SLC35D2: variants seen among roughly 807,000 people sequenced by gnomAD.
SLC35D2 encodes the protein solute carrier family 35 member D2.
In SLC35D2, 43 loss-of-function variants were observed where a neutral mutation model predicts 41.8. The observed-to-expected ratio is 1.03, with a 90% CI of 0.81 to 1.33. SLC35D2 has a LOEUF of 1.33. SLC35D2 is among the 40% of genes most tolerant of loss of function. The pLI is 0.00. For missense variants in SLC35D2, 380 were observed against 408.4 expected (o/e 0.93, Z 0.60); for synonymous variants, 150 against 163.9 (o/e 0.92, Z 0.65).
intron 3 of SLC35D2, among the ~76,000 whole-genome samples, chr9:96,363,930 A>G (rs2130988324): frequency 6.6e-6 from 1 of 152,362 alleles, no homozygotes; most frequent in African/African-American, 2.4e-5. Context: ...GACACACAGT[A>G]TTCATTTATT....
At chr9:96,358,750 A>G (rs1287138639) in intron 4 of SLC35D2, among the ~76,000 whole-genome samples, 1 of 152,094 alleles carries the variant, frequency 6.6e-6, no homozygotes, top group Non-Finnish European at 1.5e-5. Flanking sequence ...GTACTTTGGG[A>G]GGCCAAGACA....
At chr9:96,315,711 G>C (rs985314567), downstream of SLC35D2, among the ~76,000 whole-genome samples, 1 of 152,150 alleles carries the variant, frequency 6.6e-6, no homozygotes, top group African/African-American at 2.4e-5. Flanking sequence ...GGGATTACAG[G>C]TGTGAGCCAC....
intron 6 of SLC35D2, among the ~76,000 whole-genome samples, chr9:96,346,723 T>C (rs1829590580): frequency 6.6e-6 from 1 of 152,078 alleles, no homozygotes; most frequent in Admixed American, 6.6e-5. Flanking sequence ...GCAAATTAAA[T>C]TGGATTTTTG....
At chr9:96,338,555 CAAAA>C (rs58788876) in intron 8 of SLC35D2, among the ~76,000 whole-genome samples, 1 of 115,778 alleles carries the variant, frequency 8.6e-6, no homozygotes. Flanking sequence ...GACCCTGTCT[CAAAA>C]AAAAAAAAAA....
At chr9:96,324,864 C>A (rs1828445893) in intron 9 of SLC35D2, among the ~76,000 whole-genome samples, 1 of 151,998 alleles carries the variant, frequency 6.6e-6, no homozygotes, top group Admixed American at 6.6e-5. Flanking sequence ...CCGCCTGCTG[C>A]ACTTCCAACA....
intron 2 of SLC35D2, among the ~76,000 whole-genome samples, chr9:96,365,521 A>G (rs987528600): frequency 6.6e-6 from 1 of 152,138 alleles, no homozygotes; most frequent in Admixed American, 6.6e-5. Context: ...ATCCTGGACC[A>G]TATTTCCCAT....
intron 2 of SLC35D2, among the ~76,000 whole-genome samples, chr9:96,367,114 G>T (rs543828406): frequency 1.3e-5 from 2 of 151,166 alleles, no homozygotes; most frequent in South Asian, 2.1e-4. Flanking sequence ...CAGGTACTCG[G>T]GAGGCTGGGG....
chr9:96,339,149 C>T (rs112100257), intron 8 of SLC35D2, among the ~76,000 whole-genome samples: 47 of 152,052 alleles, frequency 3.1e-4, no homozygotes, highest in African/African-American at 1.1e-3. Context: ...CTCGCCCTGT[C>T]GCCCAGGCTG....
chr9:96,368,700 GTATATTATATA>G (rs924941367), intron 1 of SLC35D2, among the ~76,000 whole-genome samples: 1 of 148,362 alleles, frequency 6.7e-6, no homozygotes, highest in Non-Finnish European at 1.5e-5. Context: ...ATATATATGT[GTATATTATATA>G]TATATTATAT....
At chr9:96,340,642 A>C (rs1045135311) in intron 8 of SLC35D2, among the ~76,000 whole-genome samples, 1 of 150,522 alleles carries the variant, frequency 6.6e-6, no homozygotes, top group Non-Finnish European at 1.5e-5. Flanking sequence ...AAAAAAAAAA[A>C]AAAAAAAACT....
chr9:96,342,109 ATC>A (rs1183641954), intron 8 of SLC35D2, among the ~76,000 whole-genome samples: 1 of 151,724 alleles, frequency 6.6e-6, no homozygotes, highest in Non-Finnish European at 1.5e-5. Flanking sequence ...TTTTCTTTTT[ATC>A]TTTTTTCCTT....
Position 96,323,396 on chromosome 9 carries a change from G to A in SLC35D2, c.831+695C>T, listed in dbSNP as rs765982663. Among the ~76,000 whole-genome samples, 9 of 152,058 alleles carry A rather than the reference G, an allele frequency of 5.9e-5. No individual in the cohort carries two copies. In the Middle Eastern group the frequency reaches 0.01, roughly 172 times the overall value. On this transcript the variant is annotated intron_variant, in intron 10 of 11. Transcript: ENST00000253270. ...CACCAGCTCATGATCTCACCACACAGCATACACCTCCACAAGGGCTCCACT... is the reference window on the plus strand; with the variant it reads ...CACCAGCTCATGATCTCACCACACAACATACACCTCCACAAGGGCTCCACT...
chr9:96,382,492 CACACTA>C (rs1380900293), intron 1 of SLC35D2, among the ~76,000 whole-genome samples: 28 of 144,274 alleles, frequency 1.9e-4, no homozygotes, highest in African/African-American at 7.3e-4. Flanking sequence ...CACACACACA[CACACTA>C]TATATATATA....
At chr9:96,343,651 G>A (rs1829439972) in intron 8 of SLC35D2, among the ~76,000 whole-genome samples, 1 of 152,218 alleles carries the variant, frequency 6.6e-6, no homozygotes, top group African/African-American at 2.4e-5. Context: ...TTCAAACTCA[G>A]ATTTGTATTG....
At chr9:96,317,519 T>G (rs145503433), downstream of SLC35D2, among the ~76,000 whole-genome samples, 7 of 152,314 alleles carry the variant, frequency 4.6e-5, no homozygotes, top group East Asian at 1.4e-3. Context: ...CTCCTAGGGC[T>G]GCTGGGCTGC....
At chr9:96,378,634 G>A (rs1231218627) in intron 1 of SLC35D2, among the ~76,000 whole-genome samples, 1 of 152,072 alleles carries the variant, frequency 6.6e-6, no homozygotes. Flanking sequence ...AGCTTGGTGT[G>A]GTAGCTCACG....
intron 7 of SLC35D2, 36 bp downstream of exon 7, chr9:96,345,263 T>A (rs758532424): frequency 9.1e-7 from 1 of 1,099,176 alleles, no homozygotes; most frequent in Admixed American, 2.2e-5. Flanking sequence ...AGGGGCCAGA[T>A]GACAGAGCCA....
At chr9:96,360,646 A>AG (rs1325885044) in intron 3 of SLC35D2, among the ~76,000 whole-genome samples, 1 of 149,808 alleles carries the variant, frequency 6.7e-6, no homozygotes, top group Non-Finnish European at 1.5e-5. Context: ...AAAAAAAAAA[A>AG]AAAAAAAAGA....
intron 9 of SLC35D2, 103 bp from the exon 10 acceptor site, chr9:96,324,272 G>A: frequency 2.5e-6 from 2 of 811,342 alleles, no homozygotes; most frequent in Middle Eastern, 2.5e-4. Flanking sequence ...TTTAAGCGAA[G>A]AAAAAAGAAA....
Sources: allele counts gnomAD v4.1 joint callset (sites outside exome capture counted in the v4.1 genomes callset), GRCh38; gene constraint gnomAD v4.1.1; transcripts MANE v1.5; gene names NCBI Gene and HGNC (gene_info 2026-07-23, HGNC 2026-07-21).